The following DAAM2 variants were observed in gnomAD, a reference collection of about 807,000 sequenced individuals.
DAAM2 encodes the protein dishevelled associated activator of morphogenesis 2.
A neutral mutation model predicts 120.7 loss-of-function variants in DAAM2; 39 were observed. The observed-to-expected ratio is 0.32, with a 90% CI of 0.25 to 0.42. The LOEUF is 0.42. DAAM2 is among the 10% of genes least tolerant of loss of function. The pLI is 1.00. For synonymous variants in DAAM2, 488 were observed against 524.9 expected (o/e 0.93, Z 0.96); for missense variants, 1,283 against 1,401.7 (o/e 0.92, Z 1.35).
At chr6:39,806,121 A>G (rs1315471466) in intron 1 of DAAM2, among the ~76,000 whole-genome samples, 1 of 152,214 alleles carries the variant, frequency 6.6e-6, no homozygotes. Context: ...CAGCAATGTC[A>G]TGGGGGAAGG....
At position 39,878,273 on chromosome 6, in the gene DAAM2, T is replaced by G; in HGVS notation, c.1360+12T>G. ...GAAGTTCCGGAAAGGTGAGGGGCTCTGCTTAAGCCTGCTGTCCACTCCACA... is the reference window on the plus strand; with the variant it reads ...GAAGTTCCGGAAAGGTGAGGGGCTCGGCTTAAGCCTGCTGTCCACTCCACA... On this transcript the variant is annotated intron_variant, in intron 12 of 24. Transcript: ENST00000274867. This position sits in a 1 kb window ranked among gnomAD's most constrained non-coding sequence, Gnocchi z 5.0. 6.2e-7 allele frequency: 1 copy of G among 1,613,914 alleles called. No homozygotes were observed. Among genetic ancestry groups the G allele is most frequent in the East Asian group, 2.2e-5 (1 of 44,886 alleles).
At chr6:39,813,565 T>A (rs3008800) in intron 1 of DAAM2, among the ~76,000 whole-genome samples, 44,080 of 151,452 alleles carry the variant, frequency 0.29, 7,241 homozygotes, top group South Asian at 0.39. Context: ...TTGCTTTTTT[T>A]AAAAAAAATT....
chr6:39,881,441 G>A (rs9471200), intron 14 of DAAM2, among the ~76,000 whole-genome samples: 17,031 of 152,274 alleles, frequency 0.11, 2,087 homozygotes, highest in African/African-American at 0.31. Flanking sequence ...GATTGTAGCC[G>A]GGTGCGGTGG....
At chr6:39,877,114 G>GC in intron 11 of DAAM2, among the ~76,000 whole-genome samples, 1 of 152,180 alleles carries the variant, frequency 6.6e-6, no homozygotes, top group Non-Finnish European at 1.5e-5. Flanking sequence ...GCAGTCCACT[G>GC]CCTGTAGACT....
chr6:39,856,594 G>A (rs1031979207), intron 2 of DAAM2, 124 bp downstream of exon 2: 11 of 724,262 alleles, frequency 1.5e-5, no homozygotes, highest in African/African-American at 1.1e-4. Flanking sequence ...CTTGGGAGGA[G>A]ATAGGCCCCC....
chr6:39,876,956 A>AAGACGTCTCTCGCCTT (rs1554182662), intron 11 of DAAM2, among the ~76,000 whole-genome samples: 1 of 152,158 alleles, frequency 6.6e-6, no homozygotes, highest in Non-Finnish European at 1.5e-5. Flanking sequence ...TTTTTGGCAT[A>AAGACGTCTCTCGCCTT]TGGGTAAAGA....
At chr6:39,849,811 G>C (rs1253662890) in intron 1 of DAAM2, among the ~76,000 whole-genome samples, 1 of 152,154 alleles carries the variant, frequency 6.6e-6, no homozygotes, top group Non-Finnish European at 1.5e-5. Context: ...TGGGCAGAGA[G>C]TCTGGTAGTG....
intron 1 of DAAM2, among the ~76,000 whole-genome samples, chr6:39,802,181 G>C (rs931079337): frequency 3.3e-5 from 5 of 152,206 alleles, no homozygotes; most frequent in African/African-American, 4.8e-5. Flanking sequence ...CCTGAACAGA[G>C]GTAATGTTAT....
At chr6:39,868,108 G>A in intron 6 of DAAM2, 1 of 475,192 alleles carries the variant, frequency 2.1e-6, no homozygotes, top group South Asian at 2.8e-5. Context: ...CTGGAAGCCG[G>A]AATATTGGCC....
chr6:39,864,613 C>G lies in DAAM2; in HGVS notation c.333+106C>G, dbSNP rs966406131. On this transcript the variant is annotated intron_variant, in intron 4 of 24. Transcript: ENST00000274867. Reference sequence around the variant, plus strand: ...ACACACCAAACTGCCTTTTACTGCTCCTCAGCGCCCCACTGCCCACTCACT... The same window carrying G: ...ACACACCAAACTGCCTTTTACTGCTGCTCAGCGCCCCACTGCCCACTCACT... 7 of 843,278 alleles carry G rather than the reference C, an allele frequency of 8.3e-6. No homozygotes were observed. In the African/African-American group the frequency reaches 1.2e-4, roughly 14 times the overall value. The allele number at this position is 843,278 out of a possible 1,614,324, so 52.2% of individuals were successfully genotyped here.
chr6:39,884,136 C>T (rs1027859846), intron 15 of DAAM2, 67 bp downstream of exon 15: 4 of 827,714 alleles, frequency 4.8e-6, no homozygotes, highest in Middle Eastern at 4.9e-4. Flanking sequence ...TTCTCCTTTT[C>T]TTTCTGCCTG....
chr6:39,854,337 G>A (rs1003829380), intron 1 of DAAM2, among the ~76,000 whole-genome samples: 4 of 152,168 alleles, frequency 2.6e-5, no homozygotes, highest in African/African-American at 9.7e-5. Flanking sequence ...GGCTTTTATT[G>A]GCTATAGAAA....
chr6:39,865,007 G>A lies in DAAM2; in HGVS notation c.361G>A (p.Glu121Lys), dbSNP rs1391253919. The A allele has an allele frequency of 1.2e-6, 2 of 1,607,318 alleles. No individual in the cohort carries two copies. The highest frequency in any genetic ancestry group is 2.7e-5 in the African/African-American group (2 of 74,838). Reference protein sequence around the residue: ...AMQSLYAFDEEETEMRNQVVE... With the variant: ...AMQSLYAFDEKETEMRNQVVE... Reference sequence around the variant, plus strand: ...GCAGAGTCTGTACGCGTTTGATGAGGAGGAGACGGAGATGAGGAACCAAGT... The same window carrying A: ...GCAGAGTCTGTACGCGTTTGATGAGAAGGAGACGGAGATGAGGAACCAAGT... Residue 121 changes from glutamate (E) to lysine (K), a missense_variant, in exon 5 of 25, where the codon GAG (glutamate) becomes AAG (lysine). Glu to Lys is a moderately conservative substitution (Grantham distance 56). Transcript: ENST00000274867.
At chr6:39,889,442 A>T (rs1765565727) in intron 17 of DAAM2, among the ~76,000 whole-genome samples, 1 of 152,250 alleles carries the variant, frequency 6.6e-6, no homozygotes, top group Admixed American at 6.5e-5. Context: ...GAGGATGTGA[A>T]GCAATTGGAA....
At position 39,868,023 on chromosome 6, in the gene DAAM2, A is replaced by G. The variant is rs112287603; in HGVS notation, c.762+180A>G. The G allele has an allele frequency of 8.7e-4, 532 of 614,822 alleles. 1 individual carries two copies. The highest frequency in any genetic ancestry group is 1.1e-3 in the Non-Finnish European group (402 of 351,858). The allele number at this position is 614,822 out of a possible 1,614,324, so 38.1% of individuals were successfully genotyped here. On this transcript the variant is annotated intron_variant, in intron 6 of 24. Coordinates refer to ENST00000274867, the MANE Select transcript of DAAM2 (RefSeq NM_001201427.2). ...ACTGGGACCTGGAAGGCTTGCATAA[A>G]AACACATGCAGGGCCTTAAGAGTTA...
At position 39,854,705 on chromosome 6, in the gene DAAM2, T is replaced by C. The variant is rs527885212; in HGVS notation, c.-56-1542T>C. 5.9e-5 allele frequency among the ~76,000 whole-genome samples: 9 copies of C among 152,356 alleles called. No individual in the cohort carries two copies. The South Asian group carries it at 1.9e-3, about 32-fold the overall frequency. ...TGCCACATTTATATTGTTCTCTCTT[T>C]TGATAAGATTCTAGAGCTTGGTTCA... is the stretch of plus-strand genomic sequence containing the variant. On this transcript the variant is annotated intron_variant, in intron 1 of 24. Transcript: ENST00000274867.
Position 39,878,548 on chromosome 6 carries a change from G to A in DAAM2, c.1505G>A (p.Gly502Glu). Residue 502 changes from glycine (G) to glutamate (E), a missense_variant, in exon 13 of 25, where the codon GGA becomes GAA. By Grantham distance (98) the Gly-to-Glu change is moderately conservative (BLOSUM62 -2). This residue lies in a region of DAAM2 where 748 missense variants were observed against 768.6 expected (regional missense o/e 0.97). Transcript: ENST00000274867. The surrounding 1 kb of genome is among the most constrained non-coding windows in gnomAD (Gnocchi z 5.0). ...TCCCAGGAGCTGCGCCAGGCTCGGG[G>A]ACAAGTGGCAGAGCTGGTAGCCCAG... The part of the protein sequence containing the change: ...RESQELRQAR[G>E]QVAELVAQLS... 3.1e-6 allele frequency: 5 copies of A among 1,609,722 alleles called. No homozygotes were observed. Among genetic ancestry groups the A allele is most frequent in the Non-Finnish European group, 4.2e-6 (5 of 1,178,094 alleles).
rs1339416841 is a variant in DAAM2 at position 39,904,152 on chromosome 6, A to G, written c.*2115A>G. 6.6e-6 allele frequency: 3 copies of G among 455,460 alleles called. No individual in the cohort carries two copies. In the East Asian group the frequency reaches 2.1e-4, roughly 32 times the overall value. 28.2% of individuals were successfully genotyped at this position (455,460 alleles called of 1,614,324 possible). A position where few individuals can be genotyped will look rare whatever the true frequency, so the allele number is the denominator to read the frequency against. On this transcript the variant is annotated 3_prime_UTR_variant, in exon 25 of 25. Transcript: ENST00000274867. ...AAGACTGGATACGCACCTGGAAACAAAAGGACTATGGAAGCTGTTCAAGAT... is the reference window on the plus strand; with the variant it reads ...AAGACTGGATACGCACCTGGAAACAGAAGGACTATGGAAGCTGTTCAAGAT...
chr6:39,813,167 CGT>C (rs113671363), intron 1 of DAAM2, among the ~76,000 whole-genome samples: 1 of 149,624 alleles, frequency 6.7e-6, no homozygotes, highest in African/African-American at 2.5e-5. Flanking sequence ...TGTGTGTGTG[CGT>C]GTGTGTGTGT....
Sources: gnomAD v4.1 joint callset for allele counts (sites outside exome capture counted in the v4.1 genomes callset) on GRCh38, gnomAD v4.1.1 for gene constraint, gnomAD v4.1.1 regional missense constraint, Gnocchi (gnomAD v3.1) non-coding constraint, MANE v1.5 for transcripts, NCBI Gene and HGNC (gene_info 2026-07-23, HGNC 2026-07-21) for gene names.